CYB5R1: variants seen among roughly 807,000 people sequenced by gnomAD.
The protein encoded by CYB5R1 is cytochrome b5 reductase 1.
In CYB5R1, 32 loss-of-function variants were observed where a neutral mutation model predicts 37.4. The ratio of observed to expected loss-of-function variants is 0.86; its 90% CI spans 0.65 to 1.15. The LOEUF is 1.15. Among genes scored for constraint, CYB5R1 ranks in the 50% most tolerant of loss-of-function variants. CYB5R1 has a pLI of 0.00. For synonymous variants in CYB5R1, 159 were observed against 155.2 expected, an observed-to-expected ratio of 1.02 and a Z score of -0.18; for missense variants, 345 against 382.5, an observed-to-expected ratio of 0.90 and a Z score of 0.82.
Position 202,965,895 on chromosome 1 carries a change from C to T in CYB5R1, c.337G>A (p.Val113Ile). ...CCTTCCTAGCCCCTTACCTTGATGA[C>T]AAGATCCACATAGCCTTGATCCTCA... is the stretch of plus-strand genomic sequence containing the variant. ...SDEDQGYVDL[V>I]IKVYLKGVHP... Residue 113 changes from valine (V) to isoleucine (I), a missense_variant, in exon 4 of 9, where the codon GTC becomes ATC. Coordinates refer to ENST00000367249, the MANE Select transcript of CYB5R1 (RefSeq NM_016243.3). 2 of 1,609,664 alleles carry T rather than the reference C, an allele frequency of 1.2e-6. No individual in the cohort carries two copies. Among genetic ancestry groups the T allele is most frequent in the Non-Finnish European group, 1.7e-6 (2 of 1,176,010 alleles).
intron 6 of CYB5R1, chr1:202,964,389 A>G (rs1402241469): frequency 3.5e-6 from 2 of 567,830 alleles, no homozygotes; most frequent in East Asian, 5.9e-5. Flanking sequence ...AAAATGAGGA[A>G]AGCTCATTTA....
chr1:202,965,761 T>G, intron 4 of CYB5R1, 126 bp downstream of exon 4: 1 of 750,600 alleles, frequency 1.3e-6, no homozygotes, highest in Non-Finnish European at 2.2e-6. Flanking sequence ...GTCTCCTGAG[T>G]AGCTCATACT....
At position 202,965,881 on chromosome 1, in the gene CYB5R1, C is replaced by A. The variant is rs746622230; in HGVS notation, c.345+6G>T. ...GCAGCCCCTGGGTCCCTTCCTAGCC[C>A]CTTACCTTGATGACAAGATCCACAT... On this transcript the variant is annotated splice_donor_region_variant and intron_variant, in intron 4 of 8. Coordinates refer to ENST00000367249, the MANE Select transcript of CYB5R1 (RefSeq NM_016243.3). 6 of 1,595,040 alleles carry A rather than the reference C, an allele frequency of 3.8e-6. No individual in the cohort carries two copies. Among genetic ancestry groups the A allele is most frequent in the Non-Finnish European group, 5.2e-6 (6 of 1,162,770 alleles).
Position 202,963,670 on chromosome 1 carries a change from G to C in CYB5R1, c.617C>G (p.Thr206Ser). 1 of 1,610,286 alleles carries C rather than the reference G, an allele frequency of 6.2e-7. No individual in the cohort carries two copies. The highest frequency in any genetic ancestry group is 8.5e-7 in the Non-Finnish European group (1 of 1,178,062). ...RAILKVPEDP[T>S]QCFLLFANQT... ...GTTGGCAAAAAGCAGAAAGCACTGG[G>C]TTGGATCTTCAGGGACTTTCAGGAT... The change falls in exon 7 of 9, where the codon ACC becomes AGC. Residue 206 changes from threonine (T) to serine (S), a missense_variant. Physicochemically the swap from Thr to Ser is moderately conservative, Grantham distance 58. Transcript: ENST00000367249.
intron 2 of CYB5R1, 34 bp from the exon 3 acceptor site, chr1:202,966,634 C>G (rs750865005): frequency 3.1e-6 from 5 of 1,613,934 alleles, no homozygotes; most frequent in Non-Finnish European, 4.2e-6. Flanking sequence ...TTTCACCAAG[C>G]GCGCCTGGCG....
At position 202,965,574 on chromosome 1, in the gene CYB5R1, C is replaced by T. The variant is rs1655073162; in HGVS notation, c.346-74G>A. The T allele has an allele frequency of 2.8e-5, 41 of 1,453,562 alleles. No individual in the cohort carries two copies. The South Asian group carries it at 5.3e-4, about 19-fold the overall frequency. 90.0% of individuals were successfully genotyped at this position (1,453,562 alleles called of 1,614,324 possible). The stretch of plus-strand genomic sequence containing the variant: ...TGAGCCCCATGTTGACTAAACCTCC[C>T]TGAGGCTGGGGCAGGGATCAGATAT... On this transcript the variant is annotated intron_variant, in intron 4 of 8. Transcript: ENST00000367249.
chr1:202,963,581 G>C (rs902739169), intron 7 of CYB5R1, 61 bp downstream of exon 7: 1 of 1,289,084 alleles, frequency 7.8e-7, no homozygotes, highest in Non-Finnish European at 1.1e-6. Context: ...TCCATACCAC[G>C]TCTCTCAGCC....
intron 3 of CYB5R1, 101 bp downstream of exon 3, chr1:202,966,427 G>T: frequency 1.5e-6 from 2 of 1,353,082 alleles, no homozygotes; most frequent in Non-Finnish European, 2.1e-6. Context: ...GGAATGGTGT[G>T]TGGAGCAAAC....
At chr1:202,964,275 C>T in intron 6 of CYB5R1, 1 of 345,094 alleles carries the variant, frequency 2.9e-6, no homozygotes, top group Non-Finnish European at 5.4e-6. Context: ...TTAGACTACA[C>T]AGTGTCTAAT....
In CYB5R1 at chr1:202,965,407, G is replaced by C. The variant is rs768976568; in HGVS notation, c.439C>G (p.Arg147Gly). The C allele has an allele frequency of 6.2e-7, 1 of 1,603,192 alleles. No homozygotes were observed. The highest frequency in any genetic ancestry group is 8.5e-7 in the Non-Finnish European group (1 of 1,175,024). The part of the protein sequence containing the change: ...SLKVGDVVEF[R>G]GPSGLLTYTG... ...TAAGTGAGCAACCCGCTTGGCCCCC[G>C]AAACTCCACCACATCCCCAACCTTC... is the stretch of plus-strand genomic sequence containing the variant. Residue 147 changes from arginine (R) to glycine (G), a missense_variant, in exon 5 of 9, where the codon CGG becomes GGG. Transcript: ENST00000367249.
At chr1:202,966,687 C>T in intron 2 of CYB5R1, 62 bp downstream of exon 2, 1 of 1,612,170 alleles carries the variant, frequency 6.2e-7, no homozygotes, top group Admixed American at 1.7e-5. Flanking sequence ...GGGTGCTGTA[C>T]CCTCCATGCC....
In CYB5R1 at chr1:202,962,254, C is replaced by G; in HGVS notation, c.*273G>C. The stretch of plus-strand genomic sequence containing the variant: ...CAATCTTGGACCAAGCGTACATGCT[C>G]CCTTCCTTCTTACTCCATGGAAGAG... On this transcript the variant is annotated 3_prime_UTR_variant, in exon 9 of 9. Transcript: ENST00000367249. 2 of 390,580 alleles carry G rather than the reference C, an allele frequency of 5.1e-6. No homozygotes were observed. Among genetic ancestry groups the G allele is most frequent in the Admixed American group, 8.6e-5 (2 of 23,312 alleles). The allele number at this position is 390,580 out of a possible 1,614,324, so 24.2% of individuals were successfully genotyped here.
intron 7 of CYB5R1, 66 bp downstream of exon 7, chr1:202,963,576 A>T: frequency 8.1e-7 from 1 of 1,242,108 alleles, no homozygotes; most frequent in Middle Eastern, 1.9e-4. Context: ...GCCCATCCAT[A>T]CCACGTCTCT....
chr1:202,965,263 C>A lies in CYB5R1; in HGVS notation c.475+108G>T, dbSNP rs1303611617. The A allele has an allele frequency of 6.8e-6, 9 of 1,317,084 alleles. No individual in the cohort carries two copies. The East Asian group carries it at 2.4e-4, about 35-fold the overall frequency. The allele number at this position is 1,317,084 out of a possible 1,614,324, so 81.6% of individuals were successfully genotyped here. On this transcript the variant is annotated intron_variant, in intron 5 of 8. Transcript: ENST00000367249. ...CGCTATGTTTAGAAGGAAGGGCGGC[C>A]CTGGCCCTTACGTGCATACACATGT...
intron 5 of CYB5R1, chr1:202,964,920 A>G (rs1655057092): frequency 1.8e-6 from 1 of 554,050 alleles, no homozygotes; most frequent in Non-Finnish European, 3.2e-6. Flanking sequence ...CACACAATGT[A>G]TCAGCTGCTT....
intron 7 of CYB5R1, 116 bp from the exon 8 acceptor site, chr1:202,963,281 T>C (rs1373407686): frequency 1.4e-6 from 1 of 719,540 alleles, no homozygotes; most frequent in African/African-American, 1.8e-5. Flanking sequence ...GCAAAAGTTC[T>C]AGGAAATAAG....
chr1:202,966,853 G>C lies in CYB5R1; in HGVS notation c.61C>G (p.Leu21Val), dbSNP rs751266252. 6.2e-7 allele frequency: 1 copy of C among 1,613,870 alleles called. No homozygotes were observed. The highest frequency in any genetic ancestry group is 8.5e-7 in the Non-Finnish European group (1 of 1,179,898). Residue 21 changes from leucine (L) to valine (V), a missense_variant, in exon 2 of 9, where the codon CTC becomes GTC. By Grantham distance (32) the Leu-to-Val change is conservative. Coordinates refer to ENST00000367249, the MANE Select transcript of CYB5R1 (RefSeq NM_016243.3). ...ASLGVGLVTLLGLAVGSYLVR... is the reference protein window; with the variant it reads ...ASLGVGLVTLVGLAVGSYLVR... ...AAGTAGGAGCCCACAGCCAGGCCGAGCAGAGTGACCAGCCCCACCCCCAGG... is the reference window on the plus strand; with the variant it reads ...AAGTAGGAGCCCACAGCCAGGCCGACCAGAGTGACCAGCCCCACCCCCAGG...
chr1:202,965,324 G>A, intron 5 of CYB5R1, 47 bp downstream of exon 5: 2 of 1,530,118 alleles, frequency 1.3e-6, no homozygotes, highest in Non-Finnish European at 8.8e-7. Flanking sequence ...AGGACTATGG[G>A]AACTGATAAA....
chr1:202,963,595 C>A, intron 7 of CYB5R1, 47 bp downstream of exon 7: 1 of 1,419,224 alleles, frequency 7.0e-7, no homozygotes, highest in Non-Finnish European at 9.8e-7. Flanking sequence ...CTCAGCCCTA[C>A]CCACACAGCA....
Sources: gnomAD v4.1 joint callset for allele counts on GRCh38, gnomAD v4.1.1 for gene constraint, MANE v1.5 for transcripts, NCBI Gene and HGNC (gene_info 2026-07-23, HGNC 2026-07-21) for gene names.